The following CPS1 variants were observed in gnomAD, a reference collection of about 807,000 sequenced individuals.
CPS1 encodes the protein carbamoyl-phosphate synthase 1.
In CPS1, 109 loss-of-function variants were observed where a neutral mutation model predicts 174.6. The observed-to-expected ratio is 0.62, with a 90% CI of 0.53 to 0.73. The LOEUF (loss-of-function observed/expected upper bound fraction) is 0.73. Ranked by LOEUF, CPS1 falls within the 30% of genes least tolerant of loss-of-function variation. The probability of loss-of-function intolerance (pLI) is 0.00; values close to 1 mark genes in which losing one functional copy is unlikely to be tolerated. For synonymous variants in CPS1, 637 were observed against 632.0 expected (o/e 1.01, Z -0.12); for missense variants, 1,689 against 1,821.9 (o/e 0.93, Z 1.33).
chr2:210,504,182 A>C (rs995427704), intron 1 of CPS1, among the ~76,000 whole-genome samples: 1 of 152,130 alleles, frequency 6.6e-6, no homozygotes, highest in African/African-American at 2.4e-5. Flanking sequence ...GAAACAGTGG[A>C]ACAAGGCATG....
At chr2:210,553,397 A>T (rs1315728931), upstream of CPS1, among the ~76,000 whole-genome samples, 5 of 152,062 alleles carry the variant, frequency 3.3e-5, no homozygotes, top group Admixed American at 6.6e-5. Flanking sequence ...TCAATAAGGA[A>T]TTCATAAAAT....
chr2:210,656,505 T>G lies in CPS1; in HGVS notation c.3559-20T>G, dbSNP rs1181977935. 2.7e-5 allele frequency: 5 copies of G among 185,684 alleles called. No homozygotes were observed. The allele number at this position is 185,684 out of a possible 1,614,324, so 11.5% of individuals were successfully genotyped here. Reference sequence around the variant, plus strand: ...ACCTGAAAACTTTTTCTAAAATCCTTTTTTTTTTTTTTTGGCCAGGTTATC... The same window carrying G: ...ACCTGAAAACTTTTTCTAAAATCCTGTTTTTTTTTTTTTGGCCAGGTTATC... On this transcript the variant is annotated intron_variant, in intron 29 of 37. Transcript: ENST00000233072.
intron 1 of CPS1, among the ~76,000 whole-genome samples, chr2:210,565,054 A>G (rs942587598): frequency 6.6e-6 from 1 of 151,728 alleles, no homozygotes; most frequent in African/African-American, 2.4e-5. Context: ...TAATATGAGA[A>G]TGGAGATCAT....
At chr2:210,625,074 C>T (rs1699656136) in intron 21 of CPS1, among the ~76,000 whole-genome samples, 1 of 151,752 alleles carries the variant, frequency 6.6e-6, no homozygotes, top group African/African-American at 2.4e-5. Context: ...GGTATTAGAC[C>T]AAATGGTATT....
intron 19 of CPS1, among the ~76,000 whole-genome samples, chr2:210,610,308 A>T (rs1017938921): frequency 1.3e-5 from 2 of 151,968 alleles, no homozygotes; most frequent in African/African-American, 2.4e-5. Context: ...CAAACAAAAA[A>T]TAAAAGGTAG....
intron 13 of CPS1, among the ~76,000 whole-genome samples, chr2:210,597,379 G>A (rs1014929876): frequency 3.3e-5 from 5 of 151,796 alleles, no homozygotes; most frequent in African/African-American, 1.2e-4. Flanking sequence ...CCACTTATTA[G>A]CTATGTGACC....
chr2:210,577,407 G>A lies in CPS1; in HGVS notation c.382-14G>A. On this transcript the variant is annotated splice_polypyrimidine_tract_variant and intron_variant, in intron 3 of 37. Coordinates refer to ENST00000233072, the MANE Select transcript of CPS1 (RefSeq NM_001875.5). ...TTGTGATAACCTCTTTAAAATGACTGTCTGTCTTTCTAGGTTTCAGGTTTG... is the reference window on the plus strand; with the variant it reads ...TTGTGATAACCTCTTTAAAATGACTATCTGTCTTTCTAGGTTTCAGGTTTG... 6.3e-7 allele frequency: 1 copy of A among 1,599,336 alleles called. No homozygotes were observed.
At chr2:210,550,979 A>C (rs1485936421) in intron 1 of CPS1, among the ~76,000 whole-genome samples, 1 of 151,778 alleles carries the variant, frequency 6.6e-6, no homozygotes, top group East Asian at 1.9e-4. Flanking sequence ...TCTTTTCTTA[A>C]ATTCCACTCT....
intron 21 of CPS1, among the ~76,000 whole-genome samples, chr2:210,622,731 T>C (rs185875954): frequency 1.0e-4 from 15 of 149,292 alleles, no homozygotes; most frequent in Admixed American, 3.4e-4. Context: ...CCAATTTGGA[T>C]TGGCAATTTT....
intron 7 of CPS1, 49 bp from the exon 8 acceptor site, chr2:210,590,057 G>T: frequency 6.2e-7 from 1 of 1,609,820 alleles, no homozygotes; most frequent in South Asian, 1.1e-5. Flanking sequence ...ATTATACTTT[G>T]GCAAAGAAAC....
At chr2:210,592,791 T>G in intron 10 of CPS1, 88 bp from the exon 11 acceptor site, 9 of 1,312,468 alleles carry the variant, frequency 6.9e-6, no homozygotes, top group Non-Finnish European at 8.8e-6. Flanking sequence ...TTTTTAAATT[T>G]GAGCTTTATT....
intron 19 of CPS1, among the ~76,000 whole-genome samples, chr2:210,609,893 T>G (rs560843442): frequency 6.6e-6 from 1 of 152,128 alleles, no homozygotes; most frequent in South Asian, 2.1e-4. Flanking sequence ...TTTACTGGTC[T>G]ATCATATTCA....
chr2:210,665,184 T>C (rs1275691988), intron 33 of CPS1, among the ~76,000 whole-genome samples: 2 of 152,206 alleles, frequency 1.3e-5, no homozygotes, highest in East Asian at 3.8e-4. Context: ...GAGTAAAATG[T>C]TCACTGTGGA....
chr2:210,576,635 C>T, intron 3 of CPS1, 145 bp downstream of exon 3: 2 of 900,380 alleles, frequency 2.2e-6, no homozygotes, highest in South Asian at 1.4e-5. Context: ...TTCCTAGGTA[C>T]ATGAGAATAA....
At chr2:210,551,782 A>G (rs1428706322), upstream of CPS1, among the ~76,000 whole-genome samples, 6 of 152,070 alleles carry the variant, frequency 3.9e-5, no homozygotes, top group South Asian at 6.2e-4. Flanking sequence ...CTTAATGAAT[A>G]GGTTTTACTT....
At chr2:210,641,622 T>A (rs1035301224) in intron 24 of CPS1, among the ~76,000 whole-genome samples, 20 of 152,232 alleles carry the variant, frequency 1.3e-4, no homozygotes, top group Admixed American at 6.5e-5. Flanking sequence ...CATCTACCTG[T>A]CTACTCTCTG....
chr2:210,674,924 T>C lies in CPS1; in HGVS notation c.4124T>C (p.Leu1375Pro). ...GIQQSFRPRF[L>P]GVAEQLHNEG... ...CAGCAATCATTCCGGCCAAGATTCCTTGGTGTGGCTGAACAATTACACAAT... is the reference window on the plus strand; with the variant it reads ...CAGCAATCATTCCGGCCAAGATTCCCTGGTGTGGCTGAACAATTACACAAT... Residue 1375 changes from leucine to proline, a missense_variant, in exon 35 of 38, where the codon CTT becomes CCT. Transcript: ENST00000233072. The C allele has an allele frequency of 6.2e-7, 1 of 1,613,962 alleles. No individual in the cohort carries two copies. The highest frequency in any genetic ancestry group is 8.5e-7 in the Non-Finnish European group (1 of 1,179,858).
rs528331434 is a variant in CPS1 at position 210,570,782 on chromosome 2, C to T, written c.127-2516C>T. On this transcript the variant is annotated intron_variant, in intron 1 of 37. Transcript: ENST00000233072. ...AATATTTCCAGTAGAAAATATTTTT[C>T]GATGGCAAATTTTCATTACTTAGAC... Among the ~76,000 whole-genome samples the T allele has an allele frequency of 6.6e-5, 10 of 151,762 alleles. No homozygotes were observed. The East Asian group carries it at 1.5e-3, about 23-fold the overall frequency.
chr2:210,493,793 G>A (rs558139165), intron 1 of CPS1, among the ~76,000 whole-genome samples: 2 of 152,296 alleles, frequency 1.3e-5, no homozygotes, highest in East Asian at 1.9e-4. Flanking sequence ...TTCCCTAGGG[G>A]CAAGCAAATA....
Sources: allele counts gnomAD v4.1 joint callset (sites outside exome capture counted in the v4.1 genomes callset), GRCh38; gene constraint gnomAD v4.1.1; transcripts MANE v1.5; gene names NCBI Gene and HGNC (gene_info 2026-07-23, HGNC 2026-07-21).